ATP1B2: variants seen among roughly 807,000 people sequenced by gnomAD.
ATP1B2 encodes the protein ATPase Na+/K+ transporting subunit beta 2.
In ATP1B2, 12 loss-of-function variants were observed where a neutral mutation model predicts 37.3. The ratio of observed to expected loss-of-function variants is 0.32; its 90% confidence interval spans 0.21 to 0.52. The LOEUF is 0.52. Among genes scored for constraint, ATP1B2 ranks in the 20% least tolerant of loss-of-function variants. The pLI, the probability that ATP1B2 is intolerant of heterozygous loss-of-function variation, is 0.96. For missense variants in ATP1B2, 324 were observed against 391.6 expected, an observed-to-expected ratio of 0.83 and a Z score of 1.46; for synonymous variants, 139 against 140.5, an observed-to-expected ratio of 0.99 and a Z score of 0.07.
At chr17:7,648,823 G>A (rs1336712271), upstream of ATP1B2, among the ~76,000 whole-genome samples, 1 of 151,978 alleles carries the variant, frequency 6.6e-6, no homozygotes, top group East Asian at 1.9e-4. Context: ...ATAGAGTCCT[G>A]ATTCTTCAGT....
At position 7,656,265 on chromosome 17, in the gene ATP1B2, G is replaced by A. The variant is rs879211800; in HGVS notation, c.*370G>A. 18 of 120,812 alleles carry A rather than the reference G, an allele frequency of 1.5e-4. No individual in the cohort carries two copies. The highest frequency in any genetic ancestry group is 1.2e-3 in the African/African-American group (13 of 10,858). 7.5% of individuals were successfully genotyped at this position (120,812 alleles called of 1,614,324 possible). On this transcript the variant is annotated 3_prime_UTR_variant, in exon 7 of 7. Transcript: ENST00000250111. Reference sequence around the variant, plus strand: ...ACCCACCCACCCACCTACACCCCCCGCCACACACACACACAAACGTGCACA... The same window carrying A: ...ACCCACCCACCCACCTACACCCCCCACCACACACACACACAAACGTGCACA...
Position 7,655,279 on chromosome 17 carries a change from G to A in ATP1B2, c.610-248G>A. On this transcript the variant is annotated intron_variant, in intron 5 of 6. Coordinates refer to ENST00000250111, the MANE Select transcript of ATP1B2 (RefSeq NM_001678.5). The surrounding 1 kb of genome is among the most constrained non-coding windows in gnomAD (Gnocchi z 4.4). ...GGGGTAAGAACTTGGGGTAGGAGTG[G>A]AGTAGGAGGCTTTCGTGCCATTAGC... 1 of 569,486 alleles carries A rather than the reference G, an allele frequency of 1.8e-6. No homozygotes were observed. Among genetic ancestry groups the A allele is most frequent in the East Asian group, 3.0e-5 (1 of 33,572 alleles). The allele number at this position is 569,486 out of a possible 1,614,324, so 35.3% of individuals were successfully genotyped here.
In ATP1B2 at chr17:7,657,666, C is replaced by A. The variant is rs1011289372; in HGVS notation, c.*1771C>A. The A allele has an allele frequency of 6.6e-6, 1 of 152,602 alleles. No individual in the cohort carries two copies. The highest frequency in any genetic ancestry group is 1.5e-5 in the Non-Finnish European group (1 of 68,048). 9.5% of individuals were successfully genotyped at this position (152,602 alleles called of 1,614,324 possible). A position where few individuals can be genotyped will look rare whatever the true frequency, so the allele number is the denominator to read the frequency against. ...TTTCCTGCACCCGCCCTACCATGGTCTCTCTCTGCAGTTATTTAATGCCTG... is the reference window on the plus strand; with the variant it reads ...TTTCCTGCACCCGCCCTACCATGGTATCTCTCTGCAGTTATTTAATGCCTG... On this transcript the variant is annotated 3_prime_UTR_variant, in exon 7 of 7. Coordinates refer to ENST00000250111, the MANE Select transcript of ATP1B2 (RefSeq NM_001678.5).
At chr17:7,649,813 C>T (rs1246133581), upstream of ATP1B2, among the ~76,000 whole-genome samples, 1 of 152,114 alleles carries the variant, frequency 6.6e-6, no homozygotes, top group Non-Finnish European at 1.5e-5. Context: ...CCACCTCGGC[C>T]TCCCAAAGTG....
In ATP1B2 at chr17:7,651,568, G is replaced by C; in HGVS notation, c.50G>C (p.Trp17Ser). 1 of 1,608,670 alleles carries C rather than the reference G, an allele frequency of 6.2e-7. No individual in the cohort carries two copies. Among genetic ancestry groups the C allele is most frequent in the Admixed American group, 1.7e-5 (1 of 59,516 alleles). Residue 17 changes from tryptophan to serine, a missense_variant, in exon 1 of 7, where the codon TGG becomes TCG. By Grantham distance (177) the Trp-to-Ser change is radical (BLOSUM62 -3). Transcript: ENST00000250111. Reference protein sequence around the residue: ...KKSCGQVVEEWKEFVWNPRTH... With the variant: ...KKSCGQVVEESKEFVWNPRTH... ...AGCTGCGGGCAGGTGGTTGAGGAGT[G>C]GAAGGAGTTCGTGTGGAACCCGAGG...
At position 7,654,631 on chromosome 17, in the gene ATP1B2, A is replaced by T; in HGVS notation, c.556A>T (p.Ile186Phe). 1 of 1,614,110 alleles carries T rather than the reference A, an allele frequency of 6.2e-7. No individual in the cohort carries two copies. Among genetic ancestry groups the T allele is most frequent in the Non-Finnish European group, 8.5e-7 (1 of 1,179,994 alleles). Residue 186 changes from isoleucine (I) to phenylalanine (F), a missense_variant, in exon 5 of 7, where the codon ATC becomes TTC. Coordinates refer to ENST00000250111, the MANE Select transcript of ATP1B2 (RefSeq NM_001678.5). This position sits in a 1 kb window ranked among gnomAD's most constrained non-coding sequence, Gnocchi z 4.9. ...PCVFIKMNRV[I>F]NFYAGANQSM... is the part of the protein sequence containing the mutation. ...TCACCTTCCACCCTCACTCCAGGTC[A>T]TCAACTTCTATGCAGGAGCAAACCA...
In ATP1B2 at chr17:7,651,458, C is replaced by G. The variant is rs1417148772; in HGVS notation, c.-61C>G. ...TGGGTGTGTGGAGGGCTTCAGCGCG[C>G]GGCGCCCCCGCTTCTCCGCAACCCC... On this transcript the variant is annotated 5_prime_UTR_variant, in exon 1 of 7. Coordinates refer to ENST00000250111, the MANE Select transcript of ATP1B2 (RefSeq NM_001678.5). The G allele has an allele frequency of 4.8e-5, 70 of 1,461,882 alleles. No homozygotes were observed. The highest frequency in any genetic ancestry group is 6.3e-5 in the Non-Finnish European group (67 of 1,070,030). 90.6% of individuals were successfully genotyped at this position (1,461,882 alleles called of 1,614,324 possible).
In ATP1B2 at chr17:7,653,938, C is replaced by G. The variant is rs764000841; in HGVS notation, c.339C>G (p.Phe113Leu). 6.2e-7 allele frequency: 1 copy of G among 1,614,106 alleles called. No homozygotes were observed. Among genetic ancestry groups the G allele is most frequent in the South Asian group, 1.1e-5 (1 of 91,074 alleles). The change falls in exon 3 of 7, where the codon TTC becomes TTG. Residue 113 changes from phenylalanine to leucine, a missense_variant. Coordinates refer to ENST00000250111, the MANE Select transcript of ATP1B2 (RefSeq NM_001678.5). ...AGCATGTTCAGAAGCTCAACAAGTTCTTGGAGCGTGAGTGTGGGCCTGGTT... is the reference window on the plus strand; with the variant it reads ...AGCATGTTCAGAAGCTCAACAAGTTGTTGGAGCGTGAGTGTGGGCCTGGTT... ...WDQHVQKLNKFLEPYNDSIQA... is the reference protein window; with the variant it reads ...WDQHVQKLNKLLEPYNDSIQA...
upstream of ATP1B2, among the ~76,000 whole-genome samples, chr17:7,648,567 CAAAAAAAAAAAAAAAA>C (rs58333874): frequency 8.6e-5 from 6 of 69,748 alleles, no homozygotes; most frequent in East Asian, 8.4e-4. Context: ...ACTCTGTCTC[CAAAAAAAAAAAAAAAA>C]AAAAAAAAAA....
At position 7,654,634 on chromosome 17, in the gene ATP1B2, A is replaced by G; in HGVS notation, c.559A>G (p.Asn187Asp). ...CCTTCCACCCTCACTCCAGGTCATC[A>G]ACTTCTATGCAGGAGCAAACCAGAG... ...CVFIKMNRVI[N>D]FYAGANQSMN... Residue 187 changes from asparagine to aspartate, a missense_variant, in exon 5 of 7, where the codon AAC becomes GAC. Transcript: ENST00000250111. This position sits in a 1 kb window ranked among gnomAD's most constrained non-coding sequence, Gnocchi z 4.9. 2 of 1,614,046 alleles carry G rather than the reference A, an allele frequency of 1.2e-6. No individual in the cohort carries two copies. The highest frequency in any genetic ancestry group is 2.2e-5 in the South Asian group (2 of 91,074).
rs542414922 is a variant in ATP1B2 at position 7,654,177 on chromosome 17, G to A, written c.472G>A (p.Gly158Ser). The stretch of plus-strand genomic sequence containing the variant: ...CTGCCAATTCAACCGGACCCAGCTG[G>A]GCAACTGCTCCGGCATTGGGGACTC... Reference protein sequence around the residue: ...RACQFNRTQLGNCSGIGDSTH... With the variant: ...RACQFNRTQLSNCSGIGDSTH... Residue 158 changes from glycine to serine, a missense_variant, in exon 4 of 7, where the codon GGC (glycine) becomes AGC (serine). By Grantham distance (56) the Gly-to-Ser change is moderately conservative. Transcript: ENST00000250111. The surrounding 1 kb of genome is among the most constrained non-coding windows in gnomAD (Gnocchi z 4.9). 9.9e-6 allele frequency: 16 copies of A among 1,614,152 alleles called. No individual in the cohort carries two copies. The African/African-American group carries it at 2.0e-4, about 20-fold the overall frequency.
Position 7,655,171 on chromosome 17 carries a change from A to C in ATP1B2, c.610-356A>C, listed in dbSNP as rs1597335931. On this transcript the variant is annotated intron_variant, in intron 5 of 6. Coordinates refer to ENST00000250111, the MANE Select transcript of ATP1B2 (RefSeq NM_001678.5). The surrounding 1 kb of genome is among the most constrained non-coding windows in gnomAD (Gnocchi z 4.4). Reference sequence around the variant, plus strand: ...TCTAGAAACTGGCTGCTCCCTCCACATCCCCTTCCTTGCTTCCTATTCAAC... The same window carrying C: ...TCTAGAAACTGGCTGCTCCCTCCACCTCCCCTTCCTTGCTTCCTATTCAAC... 2 of 347,416 alleles carry C rather than the reference A, an allele frequency of 5.8e-6. No homozygotes were observed. Among genetic ancestry groups the C allele is most frequent in the East Asian group, 6.4e-5 (1 of 15,736 alleles). 21.5% of individuals were successfully genotyped at this position (347,416 alleles called of 1,614,324 possible). A position where few individuals can be genotyped will look rare whatever the true frequency, so the allele number is the denominator to read the frequency against.
Position 7,655,981 on chromosome 17 carries a change from A to G in ATP1B2, c.*86A>G. On this transcript the variant is annotated 3_prime_UTR_variant, in exon 7 of 7. Transcript: ENST00000250111. This position sits in a 1 kb window ranked among gnomAD's most constrained non-coding sequence, Gnocchi z 4.4. ...CCTGATCCCTCCCTCACCCACCCCA[A>G]AGGTATTTTTGATAACAGAGCTATG... is the stretch of plus-strand genomic sequence containing the variant. 4.6e-6 allele frequency: 7 copies of G among 1,524,606 alleles called. No individual in the cohort carries two copies. The South Asian group carries it at 8.3e-5, about 18-fold the overall frequency. The allele number at this position is 1,524,606 out of a possible 1,614,324, so 94.4% of individuals were successfully genotyped here. A position where few individuals can be genotyped will look rare whatever the true frequency, so the allele number is the denominator to read the frequency against.
At chr17:7,651,694 GT>G (rs2072614326) in intron 1 of ATP1B2, 64 bp downstream of exon 1, 2 of 1,429,868 alleles carry the variant, frequency 1.4e-6, no homozygotes, top group South Asian at 2.6e-5. Context: ...GGGGCGCAGG[GT>G]CCCGCCGACG....
upstream of ATP1B2, among the ~76,000 whole-genome samples, chr17:7,647,395 CT>C (rs1291124635): frequency 6.6e-6 from 1 of 152,168 alleles, no homozygotes; most frequent in Non-Finnish European, 1.5e-5. Flanking sequence ...TTAGGCGGGG[CT>C]CACACCTGCA....
intron 1 of ATP1B2, among the ~76,000 whole-genome samples, chr17:7,652,539 T>C (rs532608293): frequency 6.6e-6 from 1 of 152,274 alleles, no homozygotes; most frequent in Non-Finnish European, 1.5e-5. Flanking sequence ...GTGGGTCCCA[T>C]GCAATCCATT....
rs1191662865 is a variant in ATP1B2 at position 7,654,746 on chromosome 17, GT to G, written c.609+65del. 1 of 1,565,552 alleles carries G rather than the reference GT, an allele frequency of 6.4e-7. No individual in the cohort carries two copies. Among genetic ancestry groups the G allele is most frequent in the Non-Finnish European group, 8.8e-7 (1 of 1,136,048 alleles). ...GTGGCTCACCTGAGTGTCCTTCATGGTTTCTGTGTAATTCACCTGTCTCTCC... is the reference window on the plus strand; with the variant it reads ...GTGGCTCACCTGAGTGTCCTTCATGGTTCTGTGTAATTCACCTGTCTCTCC... On this transcript the variant is annotated intron_variant, in intron 5 of 6. Transcript: ENST00000250111. This position sits in a 1 kb window ranked among gnomAD's most constrained non-coding sequence, Gnocchi z 4.9.
In ATP1B2 at chr17:7,657,588, C is replaced by G. The variant is rs1210189427; in HGVS notation, c.*1693C>G. 6.6e-6 allele frequency: 1 copy of G among 152,428 alleles called. No individual in the cohort carries two copies. Among genetic ancestry groups the G allele is most frequent in the Non-Finnish European group, 1.5e-5 (1 of 68,030 alleles). 9.4% of individuals were successfully genotyped at this position (152,428 alleles called of 1,614,324 possible). ...CTCCACACTCCACCCACAGGTGGAC[C>G]CTTCCCTTTTTCTCTAGCTGGATCT... On this transcript the variant is annotated 3_prime_UTR_variant, in exon 7 of 7. Transcript: ENST00000250111.
In ATP1B2 at chr17:7,651,433, T is replaced by A. The variant is rs2072611543; in HGVS notation, c.-86T>A. ...GCGCCGCCTTCGCTCCCCGTGCTTTTGGGTGTGTGGAGGGCTTCAGCGCGC... is the reference window on the plus strand; with the variant it reads ...GCGCCGCCTTCGCTCCCCGTGCTTTAGGGTGTGTGGAGGGCTTCAGCGCGC... On this transcript the variant is annotated 5_prime_UTR_variant, in exon 1 of 7. Transcript: ENST00000250111. 3.3e-6 allele frequency: 4 copies of A among 1,229,284 alleles called. No homozygotes were observed. Among genetic ancestry groups the A allele is most frequent in the Non-Finnish European group, 4.6e-6 (4 of 863,184 alleles). The allele number at this position is 1,229,284 out of a possible 1,614,324, so 76.1% of individuals were successfully genotyped here.
Sources: gnomAD v4.1 joint callset for allele counts (sites outside exome capture counted in the v4.1 genomes callset) on GRCh38, gnomAD v4.1.1 for gene constraint, Gnocchi (gnomAD v3.1) non-coding constraint, MANE v1.5 for transcripts, NCBI Gene and HGNC (gene_info 2026-07-23, HGNC 2026-07-21) for gene names.